SPG11: variants seen among roughly 807,000 people sequenced by gnomAD.
The protein encoded by SPG11 is SPG11 vesicle trafficking associated, spatacsin.
A neutral mutation model predicts 274.0 loss-of-function variants in SPG11; 222 were observed. That is an observed-to-expected ratio of 0.81 (90% CI 0.73 to 0.91). The LOEUF (loss-of-function observed/expected upper bound fraction) is 0.91, where lower values mean the gene tolerates loss of function less well. SPG11 is among the 40% of genes least tolerant of loss of function. The probability of loss-of-function intolerance (pLI) is 0.00; values close to 1 mark genes in which losing one functional copy is unlikely to be tolerated. For synonymous variants in SPG11, 1,144 were observed against 1,039.7 expected (o/e 1.10, Z -1.93); for missense variants, 3,114 against 2,872.7 (o/e 1.08, Z -1.92).
At chr15:44,573,929 C>T in intron 31 of SPG11, 184 bp from the exon 32 acceptor site, 5 of 625,732 alleles carry the variant, frequency 8.0e-6, no homozygotes, top group Non-Finnish European at 1.4e-5. Context: ...TTCACCAAAG[C>T]CAAATCCAGG....
At chr15:44,645,456 C>CA (rs1567186300) in intron 7 of SPG11, among the ~76,000 whole-genome samples, 4 of 152,192 alleles carry the variant, frequency 2.6e-5, no homozygotes, top group African/African-American at 9.6e-5. Flanking sequence ...ATACCACATA[C>CA]AAAAATCAAC....
chr15:44,601,389 T>A (rs1319610852), intron 20 of SPG11, among the ~76,000 whole-genome samples: 1 of 151,964 alleles, frequency 6.6e-6, no homozygotes, highest in Non-Finnish European at 1.5e-5. Context: ...GCCTCCCAAG[T>A]AGCTGGGACC....
intron 26 of SPG11, among the ~76,000 whole-genome samples, chr15:44,594,146 C>G (rs2082972019): frequency 6.6e-6 from 1 of 151,536 alleles, no homozygotes; most frequent in Non-Finnish European, 1.5e-5. Context: ...CACCCTGAGG[C>G]TTGGAGCGGT....
chr15:44,611,324 C>G (rs1315848406), intron 17 of SPG11, among the ~76,000 whole-genome samples: 1 of 152,078 alleles, frequency 6.6e-6, no homozygotes, highest in East Asian at 1.9e-4. Flanking sequence ...AATACTGACT[C>G]TAACAGATAA....
In SPG11 at chr15:44,606,034, CT is replaced by C. The variant is rs1363959441; in HGVS notation, c.3510del (p.Ala1171LeufsTer2). On this transcript the variant is annotated frameshift_variant, in exon 20 of 40. Coordinates refer to ENST00000261866, the MANE Select transcript of SPG11 (RefSeq NM_025137.4). LOFTEE classifies it high-confidence loss of function. ...ACCCATGATGACTTACCTCCTATAGCTAGTGTGTTAGCAGACTGCCAGCCAA... is the reference window on the plus strand; with the variant it reads ...ACCCATGATGACTTACCTCCTATAGCAGTGTGTTAGCAGACTGCCAGCCAA... ...RLFGWQSANT[L>X]AIGDAWSHLP... 6.2e-7 allele frequency: 1 copy of C among 1,613,490 alleles called. No homozygotes were observed. Among genetic ancestry groups the C allele is most frequent in the Non-Finnish European group, 8.5e-7 (1 of 1,179,696 alleles).
chr15:44,652,780 G>A (rs1397040278), intron 4 of SPG11, among the ~76,000 whole-genome samples: 5 of 151,646 alleles, frequency 3.3e-5, no homozygotes, highest in African/African-American at 7.3e-5. Context: ...TTAGCCTCCC[G>A]AGTAGCTGGG....
chr15:44,569,179 GAAA>G (rs368971139), intron 35 of SPG11, among the ~76,000 whole-genome samples: 3 of 147,376 alleles, frequency 2.0e-5, no homozygotes, highest in African/African-American at 7.6e-5. Context: ...AAAAAAAAAA[GAAA>G]AAGAAAAAAA....
intron 2 of SPG11, among the ~76,000 whole-genome samples, chr15:44,659,930 G>C (rs1284917220): frequency 6.6e-6 from 1 of 152,132 alleles, no homozygotes; most frequent in African/African-American, 2.4e-5. Flanking sequence ...GCGTGGCGGC[G>C]GGCGCCTGTA....
At position 44,569,718 on chromosome 15, in the gene SPG11, CT is replaced by C. The variant is rs1047071923; in HGVS notation, c.6478-214del. ...AGTCACTGGGCCACCACTGGCTGTT[CT>C]TTTTTTTTTTTTTTTGAGATGGAGT... On this transcript the variant is annotated intron_variant, in intron 34 of 39. Transcript: ENST00000261866. 2.0e-3 allele frequency among the ~76,000 whole-genome samples: 279 copies of C among 138,282 alleles called. No homozygotes were observed. The highest frequency in any genetic ancestry group is 7.5e-3 in the Middle Eastern group (2 of 266). 90.7% of individuals were successfully genotyped at this position (138,282 alleles called of 152,430 possible).
At chr15:44,645,990 G>A (rs2084597253) in intron 7 of SPG11, among the ~76,000 whole-genome samples, 3 of 152,206 alleles carry the variant, frequency 2.0e-5, no homozygotes, top group Admixed American at 1.3e-4. Flanking sequence ...ACAGGTGCTA[G>A]CGAGGTTGCA....
rs537349234 is a variant in SPG11 at position 44,663,301 on chromosome 15, A to T, written c.257+90T>A. On this transcript the variant is annotated intron_variant, in intron 1 of 39. Transcript: ENST00000261866. ...CTTCTCCCGCCACCTCTATGGCTGCAGGGAGGCCTCGGCGTGAGCCCTTGG... is the reference window on the plus strand; with the variant it reads ...CTTCTCCCGCCACCTCTATGGCTGCTGGGAGGCCTCGGCGTGAGCCCTTGG... 376 of 1,515,072 alleles carry T rather than the reference A, an allele frequency of 2.5e-4. 3 individuals are homozygous for T. In the South Asian group the frequency reaches 3.8e-3, roughly 15 times the overall value. 93.9% of individuals were successfully genotyped at this position (1,515,072 alleles called of 1,614,324 possible). A position where few individuals can be genotyped will look rare whatever the true frequency, so the allele number is the denominator to read the frequency against.
intron 27 of SPG11, among the ~76,000 whole-genome samples, chr15:44,591,188 G>A (rs1168909479): frequency 2.0e-5 from 3 of 152,172 alleles, no homozygotes; most frequent in Non-Finnish European, 4.4e-5. Context: ...TTAATGCAAA[G>A]TTGTTTAAGG....
At chr15:44,607,282 TAG>T (rs2083345764) in intron 19 of SPG11, among the ~76,000 whole-genome samples, 2 of 152,198 alleles carry the variant, frequency 1.3e-5, no homozygotes, top group South Asian at 2.1e-4. Context: ...TGTGCCTTTA[TAG>T]AGTTATTATT....
Position 44,607,891 on chromosome 15 carries a change from T to C in SPG11, c.3453+553A>G, listed in dbSNP as rs568899608. Among the ~76,000 whole-genome samples, 17 of 152,296 alleles carry C rather than the reference T, an allele frequency of 1.1e-4. 1 individual carries two copies. The South Asian group carries it at 2.9e-3, about 26-fold the overall frequency. Reference sequence around the variant, plus strand: ...TAGTTAGAAGTTAAAAGTGGCAGAATAGAGAAGCTTTTGATGAAAACAGCA... The same window carrying C: ...TAGTTAGAAGTTAAAAGTGGCAGAACAGAGAAGCTTTTGATGAAAACAGCA... On this transcript the variant is annotated intron_variant, in intron 19 of 39. Coordinates refer to ENST00000261866, the MANE Select transcript of SPG11 (RefSeq NM_025137.4).
chr15:44,584,035 A>G lies in SPG11; in HGVS notation c.5645T>C (p.Ile1882Thr), dbSNP rs760815236. 2.2e-5 allele frequency: 36 copies of G among 1,614,128 alleles called. No individual in the cohort carries two copies. Among genetic ancestry groups the G allele is most frequent in the South Asian group, 7.7e-5 (7 of 91,088 alleles). ...ACAGCCATCATCCAGTAGGCGCCCA[A>G]TCAAAAAGTTTAGTGACTCCTGCTC... is the stretch of plus-strand genomic sequence containing the variant. ...WKEQESLNFL[I>T]GRLLDDGCVH... The change falls in exon 30 of 40, where the codon ATT (isoleucine) becomes ACT (threonine). Residue 1882 changes from isoleucine to threonine, a missense_variant. Ile to Thr is a moderately conservative substitution (Grantham distance 89). Coordinates refer to ENST00000261866, the MANE Select transcript of SPG11 (RefSeq NM_025137.4).
chr15:44,585,553 G>A, intron 29 of SPG11, 83 bp downstream of exon 29: 1 of 1,148,930 alleles, frequency 8.7e-7, no homozygotes, highest in Non-Finnish European at 1.3e-6. Context: ...AGCGAGCGGA[G>A]ATCGCGCCAC....
chr15:44,649,893 T>C (rs1431563123), intron 6 of SPG11, among the ~76,000 whole-genome samples: 1 of 142,892 alleles, frequency 7.0e-6, no homozygotes, highest in African/African-American at 2.6e-5. Context: ...AGACTCCATA[T>C]CAAAAAAAAA....
At chr15:44,653,397 G>A (rs1003696746) in intron 4 of SPG11, among the ~76,000 whole-genome samples, 3 of 152,054 alleles carry the variant, frequency 2.0e-5, no homozygotes, top group Non-Finnish European at 2.9e-5. Flanking sequence ...AAGGTAGGGC[G>A]AAAATGAGAA....
At chr15:44,620,454 A>G in intron 14 of SPG11, 51 bp from the exon 15 acceptor site, 1 of 1,270,570 alleles carries the variant, frequency 7.9e-7, no homozygotes, top group Non-Finnish European at 1.1e-6. Flanking sequence ...GTCTATTGAC[A>G]TGTAACTCAA....
Sources: allele counts gnomAD v4.1 joint callset (sites outside exome capture counted in the v4.1 genomes callset), GRCh38; gene constraint gnomAD v4.1.1; transcripts MANE v1.5; gene names NCBI Gene and HGNC (gene_info 2026-07-23, HGNC 2026-07-21).